Variants in TBC1D9 observed in about 807,000 individuals in gnomAD.
TBC1D9 encodes TBC1 domain family member 9, also known as TBC1 domain family member 9A.
Under a neutral mutation model 132.0 loss-of-function variants are expected in TBC1D9, and 63 were observed. The ratio of observed to expected loss-of-function variants is 0.48; its 90% CI spans 0.39 to 0.59. TBC1D9 has a LOEUF of 0.59. Ranked by LOEUF, TBC1D9 falls within the 20% of genes least tolerant of loss-of-function variation. The pLI is 0.00. For synonymous variants in TBC1D9, 610 were observed against 609.9 expected (o/e 1.00, Z 0.00); for missense variants, 1,261 against 1,592.7 (o/e 0.79, Z 3.54).
At chr4:140,658,176 C>G (rs1737301210) in intron 11 of TBC1D9, among the ~76,000 whole-genome samples, 1 of 152,208 alleles carries the variant, frequency 6.6e-6, no homozygotes, top group Non-Finnish European at 1.5e-5. Flanking sequence ...AGTCATGCCT[C>G]ACTTAACAAT....
At chr4:140,729,382 A>C (rs1296524379) in intron 1 of TBC1D9, among the ~76,000 whole-genome samples, 1 of 152,192 alleles carries the variant, frequency 6.6e-6, no homozygotes, top group Non-Finnish European at 1.5e-5. Flanking sequence ...ATGAGATTGC[A>C]CTCAAACACA....
At chr4:140,693,965 T>C (rs925554086) in intron 2 of TBC1D9, among the ~76,000 whole-genome samples, 1 of 152,218 alleles carries the variant, frequency 6.6e-6, no homozygotes, top group Non-Finnish European at 1.5e-5. Context: ...CATCCTTATT[T>C]TACTGGATAG....
chr4:140,662,965 T>C (rs550189490), intron 9 of TBC1D9, among the ~76,000 whole-genome samples: 3 of 152,230 alleles, frequency 2.0e-5, no homozygotes, highest in African/African-American at 4.8e-5. Context: ...GAAGAAAATA[T>C]AGAAAGAAAA....
intron 11 of TBC1D9, among the ~76,000 whole-genome samples, chr4:140,658,968 G>A (rs992699932): frequency 7.9e-5 from 12 of 152,128 alleles, no homozygotes; most frequent in African/African-American, 2.9e-4. Context: ...TCAAATTCAT[G>A]TGCAAATGTT....
chr4:140,667,059 G>A (rs1009546767), intron 9 of TBC1D9, among the ~76,000 whole-genome samples: 3 of 152,170 alleles, frequency 2.0e-5, no homozygotes, highest in South Asian at 2.1e-4. Flanking sequence ...TCATTTCAGC[G>A]GGTACAGAGT....
In TBC1D9 at chr4:140,676,345, T is replaced by C. The variant is rs573935371; in HGVS notation, c.1059+549A>G. Among the ~76,000 whole-genome samples, 6 of 152,346 alleles carry C rather than the reference T, an allele frequency of 3.9e-5. No homozygotes were observed. In the East Asian group the frequency reaches 1.2e-3, roughly 29 times the overall value. On this transcript the variant is annotated intron_variant, in intron 6 of 20. Transcript: ENST00000442267. ...CCCCTGATTGCTGGCCTCGTTAAGC[T>C]TGAATTGTAATAAAACCTACATTTA...
At chr4:140,646,488 C>A in intron 13 of TBC1D9, among the ~76,000 whole-genome samples, 1 of 152,124 alleles carries the variant, frequency 6.6e-6, no homozygotes, top group Admixed American at 6.6e-5. Context: ...ATAAGTATAT[C>A]CCAATCAATA....
intron 6 of TBC1D9, among the ~76,000 whole-genome samples, chr4:140,672,431 T>TA (rs889886479): frequency 4.6e-5 from 7 of 152,254 alleles, no homozygotes; most frequent in African/African-American, 1.7e-4. Context: ...ACTTATTTTT[T>TA]AAAATCCACA....
intron 1 of TBC1D9, among the ~76,000 whole-genome samples, chr4:140,729,333 G>A (rs1394737879): frequency 6.6e-6 from 1 of 152,044 alleles, no homozygotes; most frequent in Non-Finnish European, 1.5e-5. Flanking sequence ...CAGTTTCAAT[G>A]AGATTTAACT....
Position 140,634,180 on chromosome 4 carries a change from A to G in TBC1D9, c.2514T>C (p.His838=), listed in dbSNP as rs886637365. The G allele has an allele frequency of 5.8e-5, 94 of 1,612,698 alleles. No homozygotes were observed. Among genetic ancestry groups the G allele is most frequent in the Non-Finnish European group, 7.0e-5 (82 of 1,179,806 alleles). ...TCCCGCCCCAGTAGCAGCTGGTGAG[A>G]TGTTCTGCCTGAAAAAGAATGGATG... ...EELYALFKAE[H]LTSCYWGGSS... Residue 838 remains histidine (H), a synonymous_variant, in exon 16 of 21, where the codon CAT becomes CAC. Transcript: ENST00000442267.
At chr4:140,708,273 G>A (rs1347413082) in intron 1 of TBC1D9, among the ~76,000 whole-genome samples, 1 of 152,162 alleles carries the variant, frequency 6.6e-6, no homozygotes, top group Non-Finnish European at 1.5e-5. Flanking sequence ...TGAGAAGGCA[G>A]CTAAAAATCC....
chr4:140,729,089 C>T (rs1347116568), intron 1 of TBC1D9, among the ~76,000 whole-genome samples: 1 of 152,112 alleles, frequency 6.6e-6, no homozygotes, highest in Admixed American at 6.5e-5. Context: ...CTTACTCTTT[C>T]CTGTTTTTGG....
intron 10 of TBC1D9, 80 bp from the exon 11 acceptor site, chr4:140,659,785 A>G: frequency 2.0e-6 from 2 of 1,021,454 alleles, no homozygotes; most frequent in South Asian, 1.6e-5. Flanking sequence ...TTACTCAGTT[A>G]TTCTCACAAG....
chr4:140,656,008 C>G (rs1273919570), intron 13 of TBC1D9, among the ~76,000 whole-genome samples: 3 of 152,130 alleles, frequency 2.0e-5, no homozygotes, highest in East Asian at 1.9e-4. Context: ...TGGTAAAGCA[C>G]TGGAGAGCCA....
intron 1 of TBC1D9, among the ~76,000 whole-genome samples, chr4:140,747,009 A>T (rs565087382): frequency 6.6e-6 from 1 of 151,170 alleles, no homozygotes; most frequent in Non-Finnish European, 1.5e-5. Context: ...TCTATTAAAT[A>T]AAAATAAAAA....
chr4:140,674,574 A>T (rs984443346), intron 6 of TBC1D9, among the ~76,000 whole-genome samples: 3 of 151,974 alleles, frequency 2.0e-5, no homozygotes, highest in African/African-American at 7.2e-5. Context: ...TCAGCTACTC[A>T]TGGGACTAAG....
chr4:140,649,663 G>A (rs1041666786), intron 13 of TBC1D9, among the ~76,000 whole-genome samples: 1 of 152,138 alleles, frequency 6.6e-6, no homozygotes, highest in South Asian at 2.1e-4. Flanking sequence ...CTATGGGGGT[G>A]GCGTCTGTCT....
chr4:140,754,749 T>C (rs1479333815), intron 1 of TBC1D9, among the ~76,000 whole-genome samples: 1 of 151,124 alleles, frequency 6.6e-6, no homozygotes, highest in Non-Finnish European at 1.5e-5. Context: ...ATCAGATCAC[T>C]AGTAAGTATT....
At chr4:140,627,602 A>G in intron 17 of TBC1D9, 75 bp from the exon 18 acceptor site, 1 of 970,890 alleles carries the variant, frequency 1.0e-6, no homozygotes. Context: ...ATTATTAAAT[A>G]AAATGACATA....
Sources: allele counts gnomAD v4.1 joint callset (sites outside exome capture counted in the v4.1 genomes callset), GRCh38; gene constraint gnomAD v4.1.1; transcripts MANE v1.5; gene names NCBI Gene and HGNC (gene_info 2026-07-23, HGNC 2026-07-21).